TM2D3: variants seen among roughly 807,000 people sequenced by gnomAD.
TM2D3 encodes TM2 domain-containing protein 3.
In TM2D3, 33 loss-of-function variants were observed where a neutral mutation model predicts 27.3. The ratio of observed to expected loss-of-function variants is 1.21; its 90% CI spans 0.92 to 1.61. The LOEUF (loss-of-function observed/expected upper bound fraction) is 1.61, where lower values mean the gene tolerates loss of function less well. Ranked by LOEUF, TM2D3 falls within the 40% of genes most tolerant of loss-of-function variation. The pLI, the probability that TM2D3 is intolerant of heterozygous loss-of-function variation, is 0.00. For synonymous variants in TM2D3, 138 were observed against 122.2 expected (o/e 1.13, Z -0.85); for missense variants, 364 against 320.8 (o/e 1.13, Z -1.03).
At chr15:101,637,531 T>C (rs1449672964), downstream of TM2D3, among the ~76,000 whole-genome samples, 1 of 152,198 alleles carries the variant, frequency 6.6e-6, no homozygotes, top group African/African-American at 2.4e-5. Flanking sequence ...GGTTGGAAAG[T>C]AAGCCACATC....
At chr15:101,649,452 G>A (rs1030810265) in intron 3 of TM2D3, among the ~76,000 whole-genome samples, 3 of 152,000 alleles carry the variant, frequency 2.0e-5, no homozygotes, top group African/African-American at 7.2e-5. Flanking sequence ...GTTTTCTGTG[G>A]TACTTCAGGG....
At chr15:101,650,287 G>A (rs1896935544) in intron 2 of TM2D3, 126 bp from the exon 3 acceptor site, 2 of 967,124 alleles carry the variant, frequency 2.1e-6, no homozygotes, top group Non-Finnish European at 1.5e-6. Flanking sequence ...AAGAAGCATG[G>A]GACTGGAGTC....
At chr15:101,637,554 A>G (rs972510273), downstream of TM2D3, among the ~76,000 whole-genome samples, 2 of 152,218 alleles carry the variant, frequency 1.3e-5, no homozygotes, top group African/African-American at 4.8e-5. Context: ...ATAGGGTTAA[A>G]TAAAACTGCT....
chr15:101,644,511 C>T (rs951194566), intron 5 of TM2D3, among the ~76,000 whole-genome samples: 4 of 152,166 alleles, frequency 2.6e-5, no homozygotes, highest in African/African-American at 9.7e-5. Context: ...GTCTCAGGCA[C>T]GAACTCAAAA....
intron 4 of TM2D3, chr15:101,633,990 A>C (rs1596257064): frequency 5.8e-6 from 2 of 342,920 alleles, no homozygotes; most frequent in South Asian, 2.5e-4. Context: ...GAAAGTAGAA[A>C]ATAAATAGAA....
chr15:101,646,457 T>A, intron 4 of TM2D3: 2 of 428,974 alleles, frequency 4.7e-6, no homozygotes, highest in Non-Finnish European at 4.2e-6. Context: ...TTCATTGTTA[T>A]TTTGGGTAAA....
chr15:101,649,803 A>G (rs1896920761), intron 3 of TM2D3, among the ~76,000 whole-genome samples: 1 of 152,206 alleles, frequency 6.6e-6, no homozygotes, highest in African/African-American at 2.4e-5. Context: ...GACAGTTATC[A>G]TTATAACTAA....
intron 1 of TM2D3, chr15:101,652,012 G>A (rs769501555): frequency 5.1e-6 from 3 of 583,778 alleles, no homozygotes; most frequent in East Asian, 6.0e-5. Flanking sequence ...CCGCCTCCCC[G>A]GCCCAGCCCC....
At chr15:101,649,909 C>T (rs1406637668) in intron 3 of TM2D3, 95 bp downstream of exon 3, 25 of 1,207,970 alleles carry the variant, frequency 2.1e-5, no homozygotes, top group Non-Finnish European at 2.8e-5. Flanking sequence ...TATAAAAATT[C>T]TTCAGAATTT....
chr15:101,633,398 G>T, exon 5 of TM2D3: 1 of 353,206 alleles, frequency 2.8e-6, no homozygotes. Flanking sequence ...GTGTTGGTGG[G>T]ACTGTGTTCC....
downstream of TM2D3, among the ~76,000 whole-genome samples, chr15:101,639,649 A>G (rs931451774): frequency 4.6e-5 from 7 of 152,234 alleles, no homozygotes; most frequent in African/African-American, 1.4e-4. Context: ...ATCTTGAAGC[A>G]TAAGATCTTT....
intron 3 of TM2D3, among the ~76,000 whole-genome samples, chr15:101,649,692 G>A (rs549432359): frequency 3.9e-5 from 6 of 152,282 alleles, no homozygotes; most frequent in East Asian, 1.9e-4. Flanking sequence ...CCATCTGAAC[G>A]AATTAGACTT....
At chr15:101,652,080 C>G in intron 1 of TM2D3, 191 bp downstream of exon 1, 1 of 572,878 alleles carries the variant, frequency 1.7e-6, no homozygotes, top group South Asian at 2.3e-5. Flanking sequence ...TCGGTGTCGC[C>G]GGAGCGGAGG....
Position 101,652,373 on chromosome 15 carries a change from C to T in TM2D3, c.-12G>A, listed in dbSNP as rs766716786. On this transcript the variant is annotated 5_prime_UTR_variant, in exon 1 of 6. Coordinates refer to ENST00000333202, the MANE Select transcript of TM2D3 (RefSeq NM_078474.3). Reference sequence around the variant, plus strand: ...ACCCCTCCCGCCATCTTGCCAGCGCCTGCGCACTTCCGGGCCGGGGGGCGG... The same window carrying T: ...ACCCCTCCCGCCATCTTGCCAGCGCTTGCGCACTTCCGGGCCGGGGGGCGG... 5.8e-5 allele frequency: 92 copies of T among 1,585,190 alleles called. No individual in the cohort carries two copies. Among genetic ancestry groups the T allele is most frequent in the Non-Finnish European group, 7.5e-5 (88 of 1,167,148 alleles).
chr15:101,644,552 T>G (rs1038123884), intron 5 of TM2D3, among the ~76,000 whole-genome samples: 3 of 152,236 alleles, frequency 2.0e-5, no homozygotes, highest in Non-Finnish European at 4.4e-5. Context: ...ACCTTTTCAC[T>G]AATCAGTTAA....
chr15:101,645,049 G>A (rs1896768304), intron 5 of TM2D3, 38 bp downstream of exon 5: 2 of 1,571,566 alleles, frequency 1.3e-6, no homozygotes, highest in Admixed American at 1.7e-5. Flanking sequence ...CCAAAGAAAT[G>A]CAAACGGCCT....
At position 101,650,149 on chromosome 15, in the gene TM2D3, A is replaced by AT; in HGVS notation, c.181dup (p.Ile61AsnfsTer15). On this transcript the variant is annotated frameshift_variant, in exon 3 of 6. Transcript: ENST00000333202. LOFTEE classifies it high-confidence loss of function. ...CGGACACTTCATCACATAAGGTGGG[A>AT]TTTCAGTACTTTCTGTGAGAGGCAA... The AT allele has an allele frequency of 6.2e-7, 1 of 1,612,774 alleles. No homozygotes were observed. The highest frequency in any genetic ancestry group is 8.5e-7 in the Non-Finnish European group (1 of 1,179,450).
intron 4 of TM2D3, chr15:101,635,628 G>C (rs1323626635): frequency 6.6e-6 from 1 of 152,072 alleles, no homozygotes; most frequent in Non-Finnish European, 1.5e-5. Flanking sequence ...GGAGGGGCGG[G>C]GGTTCAGTGG....
rs778531248 is a variant in TM2D3, at chr15:101,646,750, C to T, written c.477G>A (p.Thr159=). The T allele has an allele frequency of 4.3e-6, 7 of 1,614,142 alleles. No individual in the cohort carries two copies. Among genetic ancestry groups the T allele is most frequent in the Non-Finnish European group, 5.1e-6 (6 of 1,179,998 alleles). ...CPRQRYPANC[T]VRDHVHCLGN... ...CCAAGCAGTGGACGTGGTCCCGCACCGTGCAGTTGGCAGGGTAGCGCTGCC... is the reference window on the plus strand; with the variant it reads ...CCAAGCAGTGGACGTGGTCCCGCACTGTGCAGTTGGCAGGGTAGCGCTGCC... Residue 159 remains threonine, a synonymous_variant, in exon 4 of 6, where the codon ACG becomes ACA. Coordinates refer to ENST00000333202, the MANE Select transcript of TM2D3 (RefSeq NM_078474.3).
Sources: allele counts gnomAD v4.1 joint callset (sites outside exome capture counted in the v4.1 genomes callset), GRCh38; gene constraint gnomAD v4.1.1; transcripts MANE v1.5; gene names NCBI Gene and HGNC (gene_info 2026-07-23, HGNC 2026-07-21).